The following RORA variants were observed in gnomAD, a reference collection of about 807,000 sequenced individuals.
The protein encoded by RORA is nuclear receptor ROR-alpha.
A neutral mutation model predicts 69.5 loss-of-function variants in RORA; 7 were observed. That is an observed-to-expected ratio of 0.10 (90% confidence interval 0.06 to 0.19). The LOEUF is 0.19. Among genes scored for constraint, RORA ranks in the 10% least tolerant of loss-of-function variants. The pLI is 1.00. For missense variants in RORA, 457 were observed against 663.0 expected (o/e 0.69, Z 3.41); for synonymous variants, 261 against 240.8 (o/e 1.08, Z -0.78).
intron 1 of RORA, among the ~76,000 whole-genome samples, chr15:60,998,423 A>G (rs1459631891): frequency 6.7e-6 from 1 of 148,448 alleles, no homozygotes; most frequent in East Asian, 2.0e-4. Context: ...TTTGAGACAG[A>G]GTCTGGCTCC....
At chr15:61,016,680 A>C (rs1895300353) in intron 1 of RORA, among the ~76,000 whole-genome samples, 1 of 152,142 alleles carries the variant, frequency 6.6e-6, no homozygotes, top group Non-Finnish European at 1.5e-5. Flanking sequence ...ACCCCAGAGA[A>C]TCTGCCCGGA....
At chr15:60,831,035 G>A (rs1018810948) in intron 1 of RORA, among the ~76,000 whole-genome samples, 2 of 152,210 alleles carry the variant, frequency 1.3e-5, no homozygotes, top group African/African-American at 4.8e-5. Context: ...AGTCAGCGAG[G>A]AGACTGAGAA....
In RORA at chr15:60,836,911, C is replaced by A. The variant is rs78212817; in HGVS notation, c.167-158225G>T. On this transcript the variant is annotated intron_variant, in intron 1 of 10. Transcript: ENST00000335670. The stretch of plus-strand genomic sequence containing the variant: ...TTACTCTTAGGCACCAGCCCACATT[C>A]TTGTGTACATTGCAGCCAGCAATGC... Among the ~76,000 whole-genome samples, 1,474 of 152,298 alleles carry A rather than the reference C, an allele frequency of 9.7e-3. 22 individuals carry two copies. Among genetic ancestry groups the A allele is most frequent in the African/African-American group, 0.034 (1,424 of 41,558 alleles).
intron 1 of RORA, among the ~76,000 whole-genome samples, chr15:61,177,259 G>A (rs920264053): frequency 5.9e-5 from 9 of 152,276 alleles, no homozygotes; most frequent in African/African-American, 2.2e-4. Context: ...GCACTTCAAG[G>A]AAAATGCAAT....
chr15:60,728,935 T>A (rs1258489938), intron 1 of RORA, among the ~76,000 whole-genome samples: 1 of 152,198 alleles, frequency 6.6e-6, no homozygotes, highest in African/African-American at 2.4e-5. Context: ...ATTAATTGCA[T>A]CTGGTAGAGG....
chr15:60,733,403 G>A (rs185483401), intron 1 of RORA, among the ~76,000 whole-genome samples: 5 of 152,166 alleles, frequency 3.3e-5, no homozygotes, highest in South Asian at 2.1e-4. Context: ...CAGTTTTTGC[G>A]TGGGCTGAGG....
chr15:60,510,584 T>C (rs1435005848), intron 5 of RORA: 4 of 152,304 alleles, frequency 2.6e-5, no homozygotes, highest in Non-Finnish European at 5.9e-5. Flanking sequence ...ATATCAGAGT[T>C]GCAAAAATGA....
chr15:61,048,710 C>G (rs775256051), intron 1 of RORA, among the ~76,000 whole-genome samples: 3 of 152,276 alleles, frequency 2.0e-5, no homozygotes, highest in Admixed American at 6.5e-5. Context: ...TAGAGTCCCC[C>G]TGAACAATTC....
intron 1 of RORA, among the ~76,000 whole-genome samples, chr15:60,944,354 C>T (rs1006022348): frequency 1.3e-5 from 2 of 152,118 alleles, no homozygotes; most frequent in Admixed American, 1.3e-4. Context: ...TACTAAGGGC[C>T]AGGGACTCTG....
At chr15:60,497,701 A>ACAT in intron 10 of RORA, 82 bp from the exon 11 acceptor site, 1 of 1,146,212 alleles carries the variant, frequency 8.7e-7, no homozygotes, top group Non-Finnish European at 1.3e-6. Context: ...GATCTTTATG[A>ACAT]CATTGTTTAT....
chr15:60,581,919 C>T (rs565303977), intron 2 of RORA, among the ~76,000 whole-genome samples: 1 of 152,156 alleles, frequency 6.6e-6, no homozygotes, highest in African/African-American at 2.4e-5. Flanking sequence ...TGCTAATAAA[C>T]TGCAGACGAT....
At chr15:60,821,432 T>G (rs1326399862) in intron 1 of RORA, among the ~76,000 whole-genome samples, 2 of 152,196 alleles carry the variant, frequency 1.3e-5, no homozygotes, top group Non-Finnish European at 1.5e-5. Context: ...GGGCTCGCAT[T>G]AAGAGCCTGC....
chr15:60,618,288 A>G (rs2069309116), intron 2 of RORA, among the ~76,000 whole-genome samples: 1 of 152,182 alleles, frequency 6.6e-6, no homozygotes, highest in South Asian at 2.1e-4. Flanking sequence ...AACTTTGGCC[A>G]AGGCCAAGGG....
At chr15:60,669,368 TTTG>T (rs869212012) in intron 2 of RORA, among the ~76,000 whole-genome samples, 1 of 151,490 alleles carries the variant, frequency 6.6e-6, no homozygotes, top group Admixed American at 6.6e-5. Flanking sequence ...TGTTTGTTTG[TTTG>T]TTTTTTTAAC....
intron 6 of RORA, 34 bp downstream of exon 6, chr15:60,505,474 T>C (rs2141285951): frequency 6.2e-7 from 1 of 1,611,274 alleles, no homozygotes; most frequent in Non-Finnish European, 8.5e-7. Context: ...CAATATTGCC[T>C]CAATCCTAGG....
chr15:60,505,726 ATG>A (rs2065478704), intron 5 of RORA, 97 bp from the exon 6 acceptor site: 13 of 1,393,704 alleles, frequency 9.3e-6, no homozygotes, highest in Non-Finnish European at 1.3e-5. Context: ...GTAGAAAACA[ATG>A]TGCTGTGCGA....
At position 60,511,210 on chromosome 15, in the gene RORA, G is replaced by A. The variant is rs745373589; in HGVS notation, c.820+16C>T. 1 of 1,599,788 alleles carries A rather than the reference G, an allele frequency of 6.3e-7. No individual in the cohort carries two copies. The highest frequency in any genetic ancestry group is 8.5e-7 in the Non-Finnish European group (1 of 1,172,656). On this transcript the variant is annotated intron_variant, in intron 5 of 10. Transcript: ENST00000335670. This position sits in a 1 kb window ranked among gnomAD's most constrained non-coding sequence, Gnocchi z 6.4. ...GCATGAATAGAGCATCCCAGGAGAA[G>A]CATGCATGCCATTACCTAATTCTGC...
At chr15:60,520,859 A>T (rs944584646) in intron 3 of RORA, among the ~76,000 whole-genome samples, 3 of 152,248 alleles carry the variant, frequency 2.0e-5, no homozygotes, top group African/African-American at 7.2e-5. Flanking sequence ...ATGTTAAAAT[A>T]CATGGAGATG....
chr15:61,053,274 T>G (rs1566965330), intron 1 of RORA, among the ~76,000 whole-genome samples: 3 of 151,664 alleles, frequency 2.0e-5, no homozygotes, highest in South Asian at 2.1e-4. Flanking sequence ...TTTTTTTTTT[T>G]GAACACAAAA....
Sources: gnomAD v4.1 joint callset for allele counts (sites outside exome capture counted in the v4.1 genomes callset) on GRCh38, gnomAD v4.1.1 for gene constraint, Gnocchi (gnomAD v3.1) non-coding constraint, MANE v1.5 for transcripts, NCBI Gene and HGNC (gene_info 2026-07-23, HGNC 2026-07-21) for gene names.